The following FAM13C variants were observed in gnomAD, a reference collection of about 807,000 sequenced individuals.
The protein encoded by FAM13C is protein FAM13C.
FAM13C carries 37 observed loss-of-function variants against 73.2 expected under a neutral mutation model. The ratio of observed to expected loss-of-function variants is 0.51; its 90% CI spans 0.39 to 0.67. FAM13C has a LOEUF of 0.67. FAM13C is among the 30% of genes least tolerant of loss of function. The pLI, the probability that FAM13C is intolerant of heterozygous loss-of-function variation, is 0.00. For missense variants in FAM13C, 589 were observed against 715.6 expected (o/e 0.82, Z 2.02); for synonymous variants, 246 against 260.9 (o/e 0.94, Z 0.55).
chr10:59,334,703 G>C (rs561651137), intron 3 of FAM13C, among the ~76,000 whole-genome samples: 3 of 147,594 alleles, frequency 2.0e-5, no homozygotes, highest in African/African-American at 7.5e-5. Context: ...GGTGGGAATT[G>C]AACAATGAGA....
chr10:59,274,757 A>G (rs546560143), intron 6 of FAM13C, among the ~76,000 whole-genome samples: 2 of 152,330 alleles, frequency 1.3e-5, no homozygotes, highest in Admixed American at 6.5e-5. Flanking sequence ...GAAATGTCCA[A>G]TGGACAGCTT....
chr10:59,283,484 G>T (rs61738820), intron 5 of FAM13C, 37 bp from the exon 6 acceptor site: 2 of 1,604,554 alleles, frequency 1.2e-6, no homozygotes, highest in Non-Finnish European at 1.7e-6. Context: ...GATCAGATTC[G>T]AGGGCTTGCA....
chr10:59,298,583 C>T (rs773917988), intron 5 of FAM13C, among the ~76,000 whole-genome samples: 9 of 152,162 alleles, frequency 5.9e-5, no homozygotes, highest in Non-Finnish European at 1.3e-4. Context: ...TCCAGCCATA[C>T]CACTCCAGAT....
At chr10:59,271,357 A>G (rs1406874362) in intron 6 of FAM13C, among the ~76,000 whole-genome samples, 1 of 152,210 alleles carries the variant, frequency 6.6e-6, no homozygotes, top group East Asian at 1.9e-4. Flanking sequence ...TGCTTTGCGT[A>G]ACATCAAAGG....
intron 5 of FAM13C, among the ~76,000 whole-genome samples, chr10:59,289,046 C>T (rs995731210): frequency 2.6e-5 from 4 of 152,172 alleles, no homozygotes; most frequent in Non-Finnish European, 4.4e-5. Flanking sequence ...ACCGGCTTTG[C>T]AGAAGACAAT....
At position 59,324,015 on chromosome 10, in the gene FAM13C, C is replaced by T; in HGVS notation, c.416G>A (p.Cys139Tyr). 6.2e-7 allele frequency: 1 copy of T among 1,614,050 alleles called. No individual in the cohort carries two copies. Residue 139 changes from cysteine (C) to tyrosine (Y), a missense_variant, in exon 4 of 14, where the codon TGC (cysteine) becomes TAC (tyrosine). Cys to Tyr is a radical substitution (Grantham distance 194). Coordinates refer to ENST00000618804, the MANE Select transcript of FAM13C (RefSeq NM_198215.4). The part of the protein sequence containing the change: ...HESPQNNAFK[C>Y]QETVRLQPRI... ...TGGTTGAAGTCGCACTGTTTCTTGG[C>T]ACTTGAAGGCATTGTTTTGTGGACT...
intron 7 of FAM13C, among the ~76,000 whole-genome samples, 174 bp downstream of exon 7, chr10:59,269,725 G>GCAATGGCAT (rs3217711): frequency 0.091 from 13,915 of 152,144 alleles, 818 homozygotes; most frequent in South Asian, 0.2. Flanking sequence ...ATCAAGGCCT[G>GCAATGGCAT]CAATGGCATC....
At chr10:59,260,260 G>A (rs1337209985) in intron 10 of FAM13C, among the ~76,000 whole-genome samples, 3 of 152,032 alleles carry the variant, frequency 2.0e-5, no homozygotes, top group East Asian at 1.9e-4. Context: ...GCAATCAGAC[G>A]GATCTGTTAA....
intron 3 of FAM13C, among the ~76,000 whole-genome samples, chr10:59,351,195 G>C (rs180728257): frequency 9.1e-4 from 138 of 151,976 alleles, no homozygotes; most frequent in African/African-American, 3.1e-3. Flanking sequence ...AGCTGGGCAC[G>C]GTGGCTCACA....
rs76157774 is a variant in FAM13C, at chr10:59,324,184, C to G, written c.325-78G>C. 4 of 1,187,852 alleles carry G rather than the reference C, an allele frequency of 3.4e-6. No individual in the cohort carries two copies. The East Asian group carries it at 9.5e-5, about 28-fold the overall frequency. The allele number at this position is 1,187,852 out of a possible 1,614,324, so 73.6% of individuals were successfully genotyped here. On this transcript the variant is annotated intron_variant, in intron 3 of 13. Coordinates refer to ENST00000618804, the MANE Select transcript of FAM13C (RefSeq NM_198215.4). ...TAGCATTATTATGCTGGAAGTGGGTCTCGGGGCAGGGAAGCAGCAATGCAT... is the reference window on the plus strand; with the variant it reads ...TAGCATTATTATGCTGGAAGTGGGTGTCGGGGCAGGGAAGCAGCAATGCAT...
In FAM13C at chr10:59,354,377, C is replaced by G. The variant is rs1417058227; in HGVS notation, c.119+1510G>C. Among the ~76,000 whole-genome samples, 3 of 152,176 alleles carry G rather than the reference C, an allele frequency of 2.0e-5. No homozygotes were observed. In the East Asian group the frequency reaches 5.8e-4, roughly 29 times the overall value. ...ATTTTCTCACATATTATTGGTTCCT[C>G]AGGATCTCCGAAACAGAAAAGCACA... On this transcript the variant is annotated intron_variant, in intron 2 of 13. Coordinates refer to ENST00000618804, the MANE Select transcript of FAM13C (RefSeq NM_198215.4).
chr10:59,277,263 T>G (rs528955395), intron 6 of FAM13C, among the ~76,000 whole-genome samples: 73 of 152,170 alleles, frequency 4.8e-4, no homozygotes, highest in Non-Finnish European at 7.9e-4. Context: ...GCCAAGAAAA[T>G]AATGTGCATC....
chr10:59,264,805 C>G (rs1433452388), intron 8 of FAM13C, among the ~76,000 whole-genome samples: 1 of 152,112 alleles, frequency 6.6e-6, no homozygotes, highest in East Asian at 1.9e-4. Context: ...TACTGTCCCT[C>G]TACCCCCACA....
intron 6 of FAM13C, 147 bp downstream of exon 6, chr10:59,283,216 C>T: frequency 1.3e-6 from 1 of 782,708 alleles, no homozygotes; most frequent in African/African-American, 1.7e-5. Flanking sequence ...CCCTCAGCAA[C>T]TCCTGGGCAA....
chr10:59,319,583 A>C (rs1201650386), intron 4 of FAM13C, among the ~76,000 whole-genome samples: 1 of 152,204 alleles, frequency 6.6e-6, no homozygotes, highest in Admixed American at 6.5e-5. Flanking sequence ...GAGGGTTTAC[A>C]GGATTGGCAG....
At chr10:59,353,964 C>T (rs1310053944) in intron 2 of FAM13C, among the ~76,000 whole-genome samples, 3 of 152,122 alleles carry the variant, frequency 2.0e-5, no homozygotes, top group African/African-American at 4.8e-5. Flanking sequence ...TAATATCAAA[C>T]CATGAATTGG....
chr10:59,313,246 T>A (rs181631050), intron 4 of FAM13C, among the ~76,000 whole-genome samples: 1 of 152,048 alleles, frequency 6.6e-6, no homozygotes, highest in Admixed American at 6.5e-5. Flanking sequence ...TTGCCCTTAG[T>A]TCAATTTTTT....
chr10:59,261,275 T>C (rs1842477195), intron 10 of FAM13C, among the ~76,000 whole-genome samples: 1 of 152,132 alleles, frequency 6.6e-6, no homozygotes, highest in East Asian at 1.9e-4. Context: ...GTATTTGTTG[T>C]TGTTTTAAGG....
chr10:59,281,113 A>C (rs1009566753), intron 6 of FAM13C, among the ~76,000 whole-genome samples: 1 of 152,208 alleles, frequency 6.6e-6, no homozygotes, highest in African/African-American at 2.4e-5. Context: ...AAGAAAGAGA[A>C]AACTGTTTAT....
Sources: allele counts gnomAD v4.1 joint callset (sites outside exome capture counted in the v4.1 genomes callset), GRCh38; gene constraint gnomAD v4.1.1; transcripts MANE v1.5; gene names NCBI Gene and HGNC (gene_info 2026-07-23, HGNC 2026-07-21).